LUZP2: variants seen among roughly 807,000 people sequenced by gnomAD.
The protein encoded by LUZP2 is leucine zipper protein 2.
In LUZP2, 52 loss-of-function variants were observed where a neutral mutation model predicts 51.6. The ratio of observed to expected loss-of-function variants is 1.01; its 90% CI spans 0.81 to 1.27. The LOEUF (loss-of-function observed/expected upper bound fraction) is 1.27, where lower values mean the gene tolerates loss of function less well. Ranked by LOEUF, LUZP2 falls within the 50% of genes most tolerant of loss-of-function variation. LUZP2 has a pLI of 0.00. For missense variants in LUZP2, 436 were observed against 395.4 expected (o/e 1.10, Z -0.87); for synonymous variants, 154 against 137.3 (o/e 1.12, Z -0.85).
At chr11:25,011,876 T>C (rs1856994213) in intron 9 of LUZP2, among the ~76,000 whole-genome samples, 1 of 151,642 alleles carries the variant, frequency 6.6e-6, no homozygotes, top group African/African-American at 2.4e-5. Flanking sequence ...AGAATATATA[T>C]GTTTTTATTT....
At chr11:24,602,171 T>C (rs866802593) in intron 1 of LUZP2, among the ~76,000 whole-genome samples, 1,490 of 74,570 alleles carry the variant, frequency 0.02, 117 homozygotes, top group African/African-American at 0.087. Context: ...TATATGTGTA[T>C]ATATATGTGT....
chr11:24,521,153 C>A lies in LUZP2; in HGVS notation c.62+23848C>A, dbSNP rs558628309. Reference sequence around the variant, plus strand: ...ATCACCTGAGGTCAGAAGTTTGGGACCAGCTTAGCCAACATGGTAAAACCC... The same window carrying A: ...ATCACCTGAGGTCAGAAGTTTGGGAACAGCTTAGCCAACATGGTAAAACCC... On this transcript the variant is annotated intron_variant, in intron 1 of 11. Transcript: ENST00000336930. Among the ~76,000 whole-genome samples, 99 of 152,138 alleles carry A rather than the reference C, an allele frequency of 6.5e-4. 1 individual carries two copies. Among genetic ancestry groups the A allele is most frequent in the Admixed American group, 3.9e-3 (59 of 15,272 alleles).
In LUZP2 at chr11:25,044,253, G is replaced by GTATATATA. The variant is rs1446874239; in HGVS notation, c.766-5784_766-5783insATATATAT. Among the ~76,000 whole-genome samples, 163 of 31,770 alleles carry GTATATATA rather than the reference G, an allele frequency of 5.1e-3. 1 individual carries two copies. The highest frequency in any genetic ancestry group is 7.5e-3 in the Non-Finnish European group (116 of 15,410). The allele number at this position is 31,770 out of a possible 152,430, so 20.8% of individuals were successfully genotyped here. On this transcript the variant is annotated intron_variant, in intron 9 of 11. Transcript: ENST00000336930. Reference sequence around the variant, plus strand: ...TATGTGTATGTGTGTGTGTGTGTGTGTGTGTATATATATATATATATATAT... The same window carrying GTATATATA: ...TATGTGTATGTGTGTGTGTGTGTGTGTATATATATGTGTATATATATATATATATATAT...
intron 10 of LUZP2, among the ~76,000 whole-genome samples, chr11:25,065,127 A>G (rs1312655062): frequency 2.6e-5 from 4 of 151,960 alleles, no homozygotes; most frequent in African/African-American, 9.7e-5. Flanking sequence ...TGCATCTTAA[A>G]CTATGGGAAA....
intron 5 of LUZP2, among the ~76,000 whole-genome samples, chr11:24,862,789 A>T (rs1851778909): frequency 6.6e-6 from 1 of 152,252 alleles, no homozygotes; most frequent in Non-Finnish European, 1.5e-5. Flanking sequence ...TGCCGAATGG[A>T]ATAAACTATT....
intron 5 of LUZP2, among the ~76,000 whole-genome samples, chr11:24,902,448 G>A (rs927485156): frequency 7.9e-5 from 12 of 152,210 alleles, no homozygotes; most frequent in African/African-American, 1.9e-4. Context: ...TCATATTATC[G>A]TAGCATTAAT....
At chr11:24,816,874 C>A (rs1377821896) in intron 5 of LUZP2, among the ~76,000 whole-genome samples, 2 of 151,864 alleles carry the variant, frequency 1.3e-5, no homozygotes, top group Non-Finnish European at 2.9e-5. Context: ...ATATTTGAGA[C>A]TTTTTTTAGT....
At chr11:24,530,108 A>G (rs1850947042) in intron 1 of LUZP2, among the ~76,000 whole-genome samples, 1 of 150,898 alleles carries the variant, frequency 6.6e-6, no homozygotes, top group African/African-American at 2.4e-5. Context: ...TTCTGGTTGC[A>G]AATTTACATA....
chr11:24,519,750 ATGTCAATATAGT>A (rs1850585172), intron 1 of LUZP2, among the ~76,000 whole-genome samples: 1 of 152,196 alleles, frequency 6.6e-6, no homozygotes, highest in Non-Finnish European at 1.5e-5. Context: ...AATTATTGCC[ATGTCAATATAGT>A]TGCATTCTAA....
chr11:24,853,447 T>C (rs1851456575), intron 5 of LUZP2, among the ~76,000 whole-genome samples: 1 of 152,058 alleles, frequency 6.6e-6, no homozygotes, highest in African/African-American at 2.4e-5. Context: ...ATGAAGTTCT[T>C]GTGCTGTGTT....
chr11:24,797,721 A>G (rs1041332059), intron 5 of LUZP2, among the ~76,000 whole-genome samples: 2 of 152,172 alleles, frequency 1.3e-5, no homozygotes, highest in African/African-American at 2.4e-5. Context: ...TATTGCTAAG[A>G]TAACAACAAC....
chr11:24,704,785 A>G (rs1857525447), intron 1 of LUZP2, among the ~76,000 whole-genome samples: 1 of 152,210 alleles, frequency 6.6e-6, no homozygotes, highest in Non-Finnish European at 1.5e-5. Context: ...AATTCTGTAA[A>G]CTTTCTGAAA....
At chr11:24,537,967 T>A (rs980857356) in intron 1 of LUZP2, among the ~76,000 whole-genome samples, 1 of 151,816 alleles carries the variant, frequency 6.6e-6, no homozygotes, top group African/African-American at 2.4e-5. Flanking sequence ...TTGCTTGTTT[T>A]TCTTAAGACT....
intron 1 of LUZP2, among the ~76,000 whole-genome samples, chr11:24,600,311 A>G (rs1311615138): frequency 6.6e-6 from 1 of 152,120 alleles, no homozygotes; most frequent in Non-Finnish European, 1.5e-5. Context: ...ATACAGCTGC[A>G]AGATGAGAAA....
rs533440312 is a variant in LUZP2 at position 25,058,613 on chromosome 11, A to T, written c.858+8483A>T. Among the ~76,000 whole-genome samples, 53 of 152,292 alleles carry T rather than the reference A, an allele frequency of 3.5e-4. 2 individuals are homozygous for T. The highest frequency in any genetic ancestry group is 3.4e-3 in the Middle Eastern group (1 of 294). On this transcript the variant is annotated intron_variant, in intron 10 of 11. Transcript: ENST00000336930. The stretch of plus-strand genomic sequence containing the variant: ...TATTTGTATAAGGTTCTCATTTTGA[A>T]TTAGATAATAAGTAATTTGAGGGCA...
At chr11:24,534,060 T>C (rs537540220) in intron 1 of LUZP2, among the ~76,000 whole-genome samples, 1 of 151,414 alleles carries the variant, frequency 6.6e-6, no homozygotes, top group South Asian at 2.1e-4. Flanking sequence ...TCTGTGGAAA[T>C]GATAAATAAA....
chr11:24,757,251 T>C (rs1859810631), intron 4 of LUZP2, among the ~76,000 whole-genome samples: 1 of 152,192 alleles, frequency 6.6e-6, no homozygotes. Flanking sequence ...GATATACAAA[T>C]AAAATATGTA....
chr11:24,606,172 T>TAC (rs1224692195), intron 1 of LUZP2, among the ~76,000 whole-genome samples: 4 of 151,720 alleles, frequency 2.6e-5, no homozygotes, highest in African/African-American at 9.7e-5. Context: ...TAGACACACA[T>TAC]ACACACACAC....
At chr11:24,887,025 G>T (rs1402396673) in intron 5 of LUZP2, among the ~76,000 whole-genome samples, 2 of 152,098 alleles carry the variant, frequency 1.3e-5, no homozygotes, top group African/African-American at 2.4e-5. Context: ...GTGACCAGGG[G>T]TTTCCTCCCA....
Sources: allele counts gnomAD v4.1 joint callset (sites outside exome capture counted in the v4.1 genomes callset), GRCh38; gene constraint gnomAD v4.1.1; transcripts MANE v1.5; gene names NCBI Gene and HGNC (gene_info 2026-07-23, HGNC 2026-07-21).